CUL1: variants seen among roughly 807,000 people sequenced by gnomAD.
CUL1 encodes the protein cullin-1.
Under a neutral mutation model 118.0 loss-of-function variants are expected in CUL1, and 24 were observed. The observed-to-expected ratio is 0.20, with a 90% CI of 0.15 to 0.29. The LOEUF is 0.29. CUL1 is among the 10% of genes least tolerant of loss of function. The pLI is 1.00. For missense variants in CUL1, 361 were observed against 933.8 expected (o/e 0.39, Z 7.99); for synonymous variants, 332 against 340.4 (o/e 0.98, Z 0.27).
chr7:148,798,702 A>G, intron 20 of CUL1, 25 bp downstream of exon 20: 2 of 1,588,308 alleles, frequency 1.3e-6, no homozygotes, highest in Admixed American at 3.3e-5. Context: ...TGCCTGTGCC[A>G]GGTGTGCTGT....
At chr7:148,736,305 T>G (rs916998000) in intron 2 of CUL1, among the ~76,000 whole-genome samples, 4 of 152,154 alleles carry the variant, frequency 2.6e-5, no homozygotes, top group Non-Finnish European at 4.4e-5. Flanking sequence ...TAGAGATATA[T>G]TTTTTTGTTT....
chr7:148,736,219 C>T (rs1798937196), intron 2 of CUL1, among the ~76,000 whole-genome samples: 1 of 152,126 alleles, frequency 6.6e-6, no homozygotes. Context: ...CTATTACAGC[C>T]AGTGTTGGCA....
intron 2 of CUL1, among the ~76,000 whole-genome samples, chr7:148,739,525 C>T (rs759818386): frequency 3.3e-5 from 5 of 152,160 alleles, no homozygotes; most frequent in Admixed American, 6.5e-5. Flanking sequence ...GTTGACCATT[C>T]GTATGTCATC....
chr7:148,759,032 T>C (rs1419704583), intron 4 of CUL1, among the ~76,000 whole-genome samples: 1 of 152,192 alleles, frequency 6.6e-6, no homozygotes, highest in Non-Finnish European at 1.5e-5. Context: ...TAAAAATCAT[T>C]ACGGTTTTTA....
intron 1 of CUL1, among the ~76,000 whole-genome samples, chr7:148,716,517 G>A (rs908602009): frequency 1.3e-5 from 2 of 152,052 alleles, no homozygotes; most frequent in East Asian, 1.9e-4. Context: ...CCTGAAATCC[G>A]CCCATGGACC....
At chr7:148,778,534 C>T (rs1800500184) in intron 9 of CUL1, among the ~76,000 whole-genome samples, 2 of 152,184 alleles carry the variant, frequency 1.3e-5, no homozygotes, top group Admixed American at 1.3e-4. Context: ...AGTGCTGATG[C>T]TAATGGGAAG....
intron 17 of CUL1, among the ~76,000 whole-genome samples, chr7:148,796,801 A>G (rs73469649): frequency 0.011 from 1,744 of 152,282 alleles, 31 homozygotes; most frequent in African/African-American, 0.04. Context: ...GACCTGGCTC[A>G]GGAAGTGGGC....
At chr7:148,799,459 T>C (rs556947246) in intron 21 of CUL1, 71 bp downstream of exon 21, 2 of 1,030,282 alleles carry the variant, frequency 1.9e-6, no homozygotes, top group East Asian at 2.5e-5. Flanking sequence ...AAAAAGTGGA[T>C]TGATTGCTGT....
intron 1 of CUL1, among the ~76,000 whole-genome samples, chr7:148,721,232 C>T (rs916788787): frequency 4.6e-5 from 7 of 152,158 alleles, no homozygotes; most frequent in African/African-American, 1.7e-4. Flanking sequence ...AGTGAACACC[C>T]GCCAACCCAT....
In CUL1 at chr7:148,787,335, G is replaced by A. The variant is rs1395199613; in HGVS notation, c.1479+215G>A. Among the ~76,000 whole-genome samples, 1 of 152,010 alleles carries A rather than the reference G, an allele frequency of 6.6e-6. No individual in the cohort carries two copies. Among genetic ancestry groups the A allele is most frequent in the East Asian group, 1.9e-4 (1 of 5,174 alleles). On this transcript the variant is annotated intron_variant, in intron 13 of 21. Coordinates refer to ENST00000325222, the MANE Select transcript of CUL1 (RefSeq NM_003592.3). This position sits in a 1 kb window ranked among gnomAD's most constrained non-coding sequence, Gnocchi z 5.5. ...ACATTAGCCGGGCATGGTGGTGGGCGCCTGTAGTCCCAGCTACTTGGGAGG... is the reference window on the plus strand; with the variant it reads ...ACATTAGCCGGGCATGGTGGTGGGCACCTGTAGTCCCAGCTACTTGGGAGG...
At chr7:148,748,112 T>C (rs577240447) in intron 2 of CUL1, among the ~76,000 whole-genome samples, 142 of 152,190 alleles carry the variant, frequency 9.3e-4, no homozygotes, top group Non-Finnish European at 1.6e-3. Context: ...TAAACTACCA[T>C]TCCAGTAGAA....
upstream of CUL1, chr7:148,697,857 G>A (rs1394437148): frequency 6.6e-6 from 1 of 152,214 alleles, no homozygotes; most frequent in African/African-American, 2.4e-5. Flanking sequence ...ATTCCAAATA[G>A]TCAATTATGA....
At chr7:148,765,498 C>T (rs1236262040) in intron 7 of CUL1, among the ~76,000 whole-genome samples, 1 of 152,132 alleles carries the variant, frequency 6.6e-6, no homozygotes, top group Non-Finnish European at 1.5e-5. Flanking sequence ...GGTATGGCGG[C>T]ATGCACCTGT....
chr7:148,725,217 G>GCA (rs1204605614), intron 1 of CUL1, among the ~76,000 whole-genome samples: 24 of 75,590 alleles, frequency 3.2e-4, no homozygotes, highest in African/African-American at 9.8e-4. Flanking sequence ...ACACACGCGC[G>GCA]CGCTCACACA....
Position 148,706,198 on chromosome 7 carries a change from C to T in CUL1, c.-162+7169C>T, listed in dbSNP as rs756593001. On this transcript the variant is annotated intron_variant, in intron 1 of 21. Coordinates refer to ENST00000325222, the MANE Select transcript of CUL1 (RefSeq NM_003592.3). ...CCATCCGCAAGATACCTCAAATATT[C>T]CAAAATATGAAACAGTCTGAAATTC... Among the ~76,000 whole-genome samples the T allele has an allele frequency of 1.1e-4, 17 of 152,140 alleles. 1 individual carries two copies. The highest frequency in any genetic ancestry group is 2.5e-4 in the Non-Finnish European group (17 of 68,024).
Position 148,794,970 on chromosome 7 carries a change from T to C in CUL1, c.1899+2152T>C, listed in dbSNP as rs1021212096. ...CCTCAGCCTCCCAAGTAGCTGGGAT[T>C]ACAGGCGTGCGCCACCATGCCTGGC... On this transcript the variant is annotated intron_variant, in intron 17 of 21. Coordinates refer to ENST00000325222, the MANE Select transcript of CUL1 (RefSeq NM_003592.3). Among the ~76,000 whole-genome samples, 8 of 152,224 alleles carry C rather than the reference T, an allele frequency of 5.3e-5. No individual in the cohort carries two copies. In the East Asian group the frequency reaches 7.7e-4, roughly 15 times the overall value.
intron 9 of CUL1, among the ~76,000 whole-genome samples, chr7:148,772,428 A>AC (rs1045632682): frequency 6.6e-5 from 10 of 151,200 alleles, no homozygotes; most frequent in African/African-American, 1.7e-4. Context: ...AAAAAAACAA[A>AC]AAAAAAAACC....
rs1799682262 is a variant in CUL1 at position 148,757,118 on chromosome 7, G to A, written c.451G>A (p.Glu151Lys). Reference sequence around the variant, plus strand: ...ACATTGGGTTCGCCGTGAATGTGACGAAGGACGAAAAGGAATATATGAAAT... The same window carrying A: ...ACATTGGGTTCGCCGTGAATGTGACAAAGGACGAAAAGGAATATATGAAAT... ...NRHWVRRECD[E>K]GRKGIYEIYS... The change falls in exon 4 of 22, where the codon GAA becomes AAA. Residue 151 changes from glutamate (E) to lysine (K), a missense_variant. Transcript: ENST00000325222. 1 of 1,579,902 alleles carries A rather than the reference G, an allele frequency of 6.3e-7. No homozygotes were observed. The highest frequency in any genetic ancestry group is 8.6e-7 in the Non-Finnish European group (1 of 1,164,920).
chr7:148,743,287 C>T (rs1288331871), intron 2 of CUL1, among the ~76,000 whole-genome samples: 1 of 152,198 alleles, frequency 6.6e-6, no homozygotes, highest in Non-Finnish European at 1.5e-5. Context: ...ATCAGATCAG[C>T]TTGCGGGAGA....
Sources: allele counts gnomAD v4.1 joint callset (sites outside exome capture counted in the v4.1 genomes callset), GRCh38; gene constraint gnomAD v4.1.1; non-coding constraint Gnocchi (gnomAD v3.1); transcripts MANE v1.5; gene names NCBI Gene and HGNC (gene_info 2026-07-23, HGNC 2026-07-21).